The following PREX2 variants were observed in gnomAD, a reference collection of about 807,000 sequenced individuals.
The protein encoded by PREX2 is phosphatidylinositol 3,4,5-trisphosphate-dependent Rac exchanger 2 protein.
A neutral mutation model predicts 203.2 loss-of-function variants in PREX2; 107 were observed. That is an observed-to-expected ratio of 0.53 (90% CI 0.45 to 0.62). PREX2 has a LOEUF of 0.62. Among genes scored for constraint, PREX2 ranks in the 20% least tolerant of loss-of-function variants. The pLI, the probability that PREX2 is intolerant of heterozygous loss-of-function variation, is 0.00. For synonymous variants in PREX2, 672 were observed against 663.6 expected, an observed-to-expected ratio of 1.01 and a Z score of -0.19; for missense variants, 1,777 against 1,955.9, an observed-to-expected ratio of 0.91 and a Z score of 1.72.
intron 25 of PREX2, among the ~76,000 whole-genome samples, chr8:68,114,129 T>C (rs1305851677): frequency 2.6e-5 from 4 of 152,186 alleles, no homozygotes; most frequent in Non-Finnish European, 5.9e-5. Context: ...CCCAAAGCGC[T>C]GGGATTACAG....
intron 37 of PREX2, among the ~76,000 whole-genome samples, chr8:68,211,183 A>G (rs536412569): frequency 6.6e-6 from 1 of 152,136 alleles, no homozygotes; most frequent in Admixed American, 6.6e-5. Flanking sequence ...AAACACCTGA[A>G]AAAACAATCA....
At chr8:68,206,465 A>G (rs1812628593) in intron 37 of PREX2, among the ~76,000 whole-genome samples, 1 of 152,184 alleles carries the variant, frequency 6.6e-6, no homozygotes, top group African/African-American at 2.4e-5. Context: ...AATCACAGTA[A>G]TGGGTCACCA....
intron 35 of PREX2, chr8:68,177,149 C>G (rs1030140476): frequency 2.6e-5 from 4 of 152,468 alleles, no homozygotes; most frequent in Non-Finnish European, 4.4e-5. Flanking sequence ...TAATTGAAAG[C>G]TATTTGAAAA....
intron 24 of PREX2, chr8:68,109,098 CAGATA>C: frequency 2.3e-6 from 1 of 438,990 alleles, no homozygotes; most frequent in South Asian, 1.8e-5. Flanking sequence ...AAATTTCAAT[CAGATA>C]AGAGGAATAA....
At chr8:68,216,060 G>T (rs1443641495) in intron 37 of PREX2, among the ~76,000 whole-genome samples, 2 of 152,160 alleles carry the variant, frequency 1.3e-5, no homozygotes, top group African/African-American at 4.8e-5. Context: ...TGCCTCTCAA[G>T]TCATTTAACA....
At chr8:68,034,176 A>T (rs1365437070) in intron 6 of PREX2, among the ~76,000 whole-genome samples, 2 of 152,164 alleles carry the variant, frequency 1.3e-5, no homozygotes, top group Non-Finnish European at 2.9e-5. Context: ...TTCATTTTTG[A>T]AGTTATGCCT....
intron 1 of PREX2, among the ~76,000 whole-genome samples, chr8:67,970,556 G>T (rs1805898826): frequency 6.6e-6 from 1 of 152,190 alleles, no homozygotes; most frequent in Non-Finnish European, 1.5e-5. Flanking sequence ...CAGAGATTCT[G>T]TTGGGCTGCT....
intron 31 of PREX2, among the ~76,000 whole-genome samples, chr8:68,131,028 A>G (rs756882060): frequency 6.6e-6 from 1 of 152,226 alleles, no homozygotes; most frequent in African/African-American, 2.4e-5. Flanking sequence ...AGTGTACGCC[A>G]TAGGGCATTT....
chr8:68,211,933 T>C (rs1212385634), intron 37 of PREX2, among the ~76,000 whole-genome samples: 1 of 152,248 alleles, frequency 6.6e-6, no homozygotes, highest in Non-Finnish European at 1.5e-5. Flanking sequence ...TAAACTGTTA[T>C]GGTTGGGTAT....
rs1812315729 is a variant in PREX2, at chr8:68,192,392, A to G, written c.4471A>G (p.Arg1491Gly). 1 of 1,613,320 alleles carries G rather than the reference A, an allele frequency of 6.2e-7. No individual in the cohort carries two copies. The highest frequency in any genetic ancestry group is 8.5e-7 in the Non-Finnish European group (1 of 1,179,606). ...ELYRLVASFIRSKRTAACANT... is the reference protein window; with the variant it reads ...ELYRLVASFIGSKRTAACANT... Reference sequence around the variant, plus strand: ...TTACCGACTGGTAGCCTCGTTTATCAGATCCAAGCGCACAGCTGCCTGTGC... The same window carrying G: ...TTACCGACTGGTAGCCTCGTTTATCGGATCCAAGCGCACAGCTGCCTGTGC... The change falls in exon 37 of 40, where the codon AGA (arginine) becomes GGA (glycine). Residue 1491 changes from arginine to glycine, a missense_variant. By Grantham distance (125) the Arg-to-Gly change is moderately radical. Transcript: ENST00000288368.
chr8:67,952,848 C>T (rs948592093), intron 1 of PREX2: 5 of 477,752 alleles, frequency 1.0e-5, no homozygotes, highest in Admixed American at 3.5e-5. Flanking sequence ...TTTCTTTTAC[C>T]CGCCTCCCCA....
At chr8:68,072,697 T>C in intron 14 of PREX2, 127 bp downstream of exon 14, 2 of 548,750 alleles carry the variant, frequency 3.6e-6, no homozygotes, top group South Asian at 5.8e-5. Flanking sequence ...ATACAACTAA[T>C]AGGAAGCAGA....
At chr8:68,218,098 A>T (rs569944289) in intron 38 of PREX2, among the ~76,000 whole-genome samples, 1 of 152,300 alleles carries the variant, frequency 6.6e-6, no homozygotes, top group African/African-American at 2.4e-5. Flanking sequence ...AAGGAAGAAG[A>T]GGAAAGAATT....
intron 37 of PREX2, among the ~76,000 whole-genome samples, chr8:68,212,635 A>G (rs1585868246): frequency 6.6e-6 from 1 of 152,344 alleles, no homozygotes; most frequent in East Asian, 1.9e-4. Flanking sequence ...CCACTTCTGT[A>G]CATTTTTTCT....
intron 1 of PREX2, among the ~76,000 whole-genome samples, chr8:67,983,825 T>A (rs888905481): frequency 9.8e-5 from 15 of 152,332 alleles, no homozygotes; most frequent in African/African-American, 3.6e-4. Context: ...AGCTGTGTGA[T>A]CCTAGAAGTT....
In PREX2 at chr8:68,233,888, A is replaced by T. The variant is rs1402296638; in HGVS notation, c.*2510A>T. ...CTATTGTAATATTACGATGATTTGT[A>T]AGTAAATTTGGAGTTATGCGGCATG... On this transcript the variant is annotated 3_prime_UTR_variant, in exon 40 of 40. Coordinates refer to ENST00000288368, the MANE Select transcript of PREX2 (RefSeq NM_024870.4). 6.6e-6 allele frequency: 1 copy of T among 152,172 alleles called. No homozygotes were observed. Among genetic ancestry groups the T allele is most frequent in the African/African-American group, 2.4e-5 (1 of 41,438 alleles). The allele number at this position is 152,172 out of a possible 1,614,324, so 9.4% of individuals were successfully genotyped here.
At chr8:67,998,933 G>A (rs4471020) in intron 1 of PREX2, among the ~76,000 whole-genome samples, 104,300 of 152,024 alleles carry the variant, frequency 0.69, 35,999 homozygotes, top group South Asian at 0.81. Context: ...ACACTTTCTG[G>A]AATTTATTTC....
rs764696997 is a variant in PREX2 at position 68,083,414 on chromosome 8, T to G, written c.2027+26T>G. ...GTAAGTTGTATGATTTATGTGTGAT[T>G]TTTTAAAAGTTATACATAGATAAGT... is the stretch of plus-strand genomic sequence containing the variant. On this transcript the variant is annotated intron_variant, in intron 18 of 39. Coordinates refer to ENST00000288368, the MANE Select transcript of PREX2 (RefSeq NM_024870.4). 2.4e-4 allele frequency: 368 copies of G among 1,546,500 alleles called. 3 individuals are homozygous for G. In the Admixed American group the frequency reaches 6.5e-3, roughly 27 times the overall value.
chr8:67,998,233 C>T (rs980613032), intron 1 of PREX2, among the ~76,000 whole-genome samples: 41 of 152,256 alleles, frequency 2.7e-4, no homozygotes, highest in Middle Eastern at 3.4e-3. Context: ...TCCTGCCACC[C>T]TGAATGCTGG....
Sources: gnomAD v4.1 joint callset for allele counts (sites outside exome capture counted in the v4.1 genomes callset) on GRCh38, gnomAD v4.1.1 for gene constraint, MANE v1.5 for transcripts, NCBI Gene and HGNC (gene_info 2026-07-23, HGNC 2026-07-21) for gene names.